Variants in COL11A1 observed in about 807,000 individuals in gnomAD.
COL11A1 encodes collagen alpha-1(XI) chain.
Under a neutral mutation model 265.2 loss-of-function variants are expected in COL11A1, and 74 were observed. The ratio of observed to expected loss-of-function variants is 0.28; its 90% confidence interval spans 0.23 to 0.34. The LOEUF is 0.34. Among genes scored for constraint, COL11A1 ranks in the 10% least tolerant of loss-of-function variants. The pLI is 1.00. For missense variants in COL11A1, 2,165 were observed against 2,263.6 expected, an observed-to-expected ratio of 0.96 and a Z score of 0.88; for synonymous variants, 816 against 727.6, an observed-to-expected ratio of 1.12 and a Z score of -1.96.
rs556124307 is a variant in COL11A1 at position 103,078,606 on chromosome 1, T to TA, written c.488+51dup. ...CATAAATATTTGTTAAGTGACTGAA[T>TA]AAAAAAAATGATTTTGGCATAGCTA... On this transcript the variant is annotated intron_variant, in intron 3 of 66. Coordinates refer to ENST00000370096, the MANE Select transcript of COL11A1 (RefSeq NM_001854.4). 4.1e-5 allele frequency: 63 copies of TA among 1,532,660 alleles called. 1 individual carries two copies. The East Asian group carries it at 7.2e-4, about 18-fold the overall frequency. 94.9% of individuals were successfully genotyped at this position (1,532,660 alleles called of 1,614,324 possible).
chr1:103,087,974 A>AT (rs111681870), intron 1 of COL11A1, among the ~76,000 whole-genome samples: 1 of 152,204 alleles, frequency 6.6e-6, no homozygotes, highest in Non-Finnish European at 1.5e-5. Context: ...TCGAAATTAA[A>AT]TTTTTTTAGG....
intron 12 of COL11A1, among the ~76,000 whole-genome samples, chr1:103,015,137 G>A (rs950481055): frequency 7.9e-5 from 12 of 151,814 alleles, no homozygotes; most frequent in African/African-American, 2.7e-4. Context: ...AATGCAGTAG[G>A]AGTCAATTTT....
Position 102,962,732 on chromosome 1 carries a change from C to T in COL11A1, c.2945G>A (p.Gly982Glu). Residue 982 changes from glycine to glutamate, a missense_variant, in exon 39 of 67, where the codon GGG becomes GAG. Gly to Glu is a moderately conservative substitution (Grantham distance 98). Coordinates refer to ENST00000370096, the MANE Select transcript of COL11A1 (RefSeq NM_001854.4). Reference sequence around the variant, plus strand: ...AGGAGGGCCAGGATGCCCACGTTCCCCTATTGGACCAGTCTCACCGGTTGG... The same window carrying T: ...AGGAGGGCCAGGATGCCCACGTTCCTCTATTGGACCAGTCTCACCGGTTGG... Reference protein sequence around the residue: ...QGPTGETGPIGERGHPGPPGP... With the variant: ...QGPTGETGPIEERGHPGPPGP... 1.2e-6 allele frequency: 2 copies of T among 1,614,100 alleles called. No individual in the cohort carries two copies. Among genetic ancestry groups the T allele is most frequent in the Non-Finnish European group, 1.7e-6 (2 of 1,179,990 alleles).
At chr1:103,008,562 T>A in intron 14 of COL11A1, 46 bp from the exon 15 acceptor site, 1 of 1,491,018 alleles carries the variant, frequency 6.7e-7, no homozygotes, top group South Asian at 1.1e-5. Flanking sequence ...AGCAATTTCC[T>A]AACTACTTTT....
chr1:102,987,623 A>G lies in COL11A1; in HGVS notation c.2502+10T>C. ...CAAGAGTACCAGTGAATTTAAAGTC[A>G]TTTACCAACCTTTTCTCCTGCTTGA... On this transcript the variant is annotated intron_variant, in intron 30 of 66. Coordinates refer to ENST00000370096, the MANE Select transcript of COL11A1 (RefSeq NM_001854.4). 2 of 1,608,090 alleles carry G rather than the reference A, an allele frequency of 1.2e-6. No homozygotes were observed. The highest frequency in any genetic ancestry group is 1.7e-6 in the Non-Finnish European group (2 of 1,174,728).
At chr1:102,884,180 C>T (rs761268405) in intron 63 of COL11A1, among the ~76,000 whole-genome samples, 1 of 152,174 alleles carries the variant, frequency 6.6e-6, no homozygotes, top group Non-Finnish European at 1.5e-5. Context: ...TGTCTCTCAT[C>T]CCTCATTCTC....
chr1:102,987,529 A>G, intron 30 of COL11A1, 104 bp downstream of exon 30: 1 of 852,230 alleles, frequency 1.2e-6, no homozygotes. Context: ...TTTATCTTTA[A>G]TGTAGTAAGA....
intron 30 of COL11A1, among the ~76,000 whole-genome samples, 184 bp downstream of exon 30, chr1:102,987,449 T>G (rs1458634671): frequency 6.6e-6 from 1 of 152,072 alleles, no homozygotes; most frequent in African/African-American, 2.4e-5. Context: ...GGAGGCAAAT[T>G]TTAATGTTGC....
intron 56 of COL11A1, among the ~76,000 whole-genome samples, chr1:102,898,439 T>A (rs1652724357): frequency 6.6e-6 from 1 of 151,874 alleles, no homozygotes; most frequent in Admixed American, 6.6e-5. Context: ...TAAAATTTGG[T>A]TTTCTATTTT....
intron 1 of COL11A1, among the ~76,000 whole-genome samples, chr1:103,098,799 C>A (rs1271762846): frequency 6.6e-6 from 1 of 151,712 alleles, no homozygotes; most frequent in Non-Finnish European, 1.5e-5. Flanking sequence ...TAGAGGGAGA[C>A]AATATCTAAA....
chr1:103,096,407 A>G (rs141615271), intron 1 of COL11A1, among the ~76,000 whole-genome samples: 1,681 of 152,090 alleles, frequency 0.011, 24 homozygotes, highest in Middle Eastern at 0.027. Flanking sequence ...TGTAGCTGGA[A>G]CATCATGATT....
At chr1:103,027,427 A>G (rs1417766242) in intron 5 of COL11A1, among the ~76,000 whole-genome samples, 2 of 127,574 alleles carry the variant, frequency 1.6e-5, no homozygotes, top group Non-Finnish European at 3.2e-5. Context: ...ATATATATAT[A>G]TATATATATA....
chr1:102,891,722 A>T (rs1023422672), intron 57 of COL11A1, among the ~76,000 whole-genome samples: 1 of 151,642 alleles, frequency 6.6e-6, no homozygotes, highest in African/African-American at 2.4e-5. Context: ...AAAAAAAAAA[A>T]AAAAAGCAAA....
intron 4 of COL11A1, among the ~76,000 whole-genome samples, chr1:103,055,475 T>C (rs1309400219): frequency 6.6e-6 from 1 of 152,202 alleles, no homozygotes; most frequent in Non-Finnish European, 1.5e-5. Context: ...TAAATAGTGA[T>C]AGCTTATTTT....
Position 102,996,157 on chromosome 1 carries a change from T to A in COL11A1, c.2242-115A>T, listed in dbSNP as rs1664605341. The A allele has an allele frequency of 3.8e-6, 4 of 1,040,304 alleles. No homozygotes were observed. In the East Asian group the frequency reaches 9.8e-5, roughly 26 times the overall value. The allele number at this position is 1,040,304 out of a possible 1,614,324, so 64.4% of individuals were successfully genotyped here. A position where few individuals can be genotyped will look rare whatever the true frequency, so the allele number is the denominator to read the frequency against. ...ATATGGTTTTTTTCTACTGCTAATA[T>A]TTGATAAAGACTTTTTGGTAGTTTA... On this transcript the variant is annotated intron_variant, in intron 26 of 66. Coordinates refer to ENST00000370096, the MANE Select transcript of COL11A1 (RefSeq NM_001854.4).
At chr1:103,012,541 C>T (rs1666217346) in intron 13 of COL11A1, 72 bp from the exon 14 acceptor site, 1 of 1,110,354 alleles carries the variant, frequency 9.0e-7, no homozygotes. Flanking sequence ...TATGAATCTG[C>T]ACAAGCTGCC....
At chr1:103,071,840 AC>A (rs1342517147) in intron 4 of COL11A1, among the ~76,000 whole-genome samples, 1 of 122,560 alleles carries the variant, frequency 8.2e-6, no homozygotes, top group African/African-American at 3.0e-5. Context: ...AAGTTAACAT[AC>A]AACCACATTT....
chr1:102,934,524 C>G lies in COL11A1; in HGVS notation c.3525G>C (p.Gln1175His). 1 of 1,614,124 alleles carries G rather than the reference C, an allele frequency of 6.2e-7. No homozygotes were observed. Reference protein sequence around the residue: ...GGDGEPGPRGQQGMFGQKGDE... With the variant: ...GGDGEPGPRGHQGMFGQKGDE... The stretch of plus-strand genomic sequence containing the variant: ...CACCTTTTTGCCCAAACATCCCCTG[C>G]TGTCCTCTAGGACCTGGTTCACCAT... Residue 1175 changes from glutamine to histidine, a missense_variant, in exon 46 of 67, where the codon CAG becomes CAC. Gln to His is a conservative substitution (Grantham distance 24). Transcript: ENST00000370096.
intron 36 of COL11A1, 96 bp from the exon 37 acceptor site, chr1:102,970,368 T>A: frequency 1.1e-6 from 1 of 896,866 alleles, no homozygotes; most frequent in South Asian, 1.6e-5. Flanking sequence ...TCTTTTTATA[T>A]TTCCATTAGC....
Sources: allele counts gnomAD v4.1 joint callset (sites outside exome capture counted in the v4.1 genomes callset), GRCh38; gene constraint gnomAD v4.1.1; transcripts MANE v1.5; gene names NCBI Gene and HGNC (gene_info 2026-07-23, HGNC 2026-07-21).